Variants in BARX2 observed in about 807,000 individuals in gnomAD.
The protein encoded by BARX2 is BARX homeobox 2, also known as homeobox protein BarH-like 2.
In BARX2, 11 loss-of-function variants were observed where a neutral mutation model predicts 25.5. The ratio of observed to expected loss-of-function variants is 0.43; its 90% CI spans 0.27 to 0.71. The LOEUF is 0.71. Ranked by LOEUF, BARX2 falls within the 30% of genes least tolerant of loss-of-function variation. BARX2 has a pLI of 0.19. For synonymous variants in BARX2, 137 were observed against 149.5 expected, an observed-to-expected ratio of 0.92 and a Z score of 0.61; for missense variants, 360 against 359.9, an observed-to-expected ratio of 1.00 and a Z score of 0.00.
chr11:129,429,030 A>G (rs1435475766), intron 1 of BARX2, among the ~76,000 whole-genome samples: 1 of 146,148 alleles, frequency 6.8e-6, no homozygotes, highest in Non-Finnish European at 1.5e-5. Context: ...TTTCATGAAG[A>G]TTTTTCATTA....
chr11:129,421,937 G>A (rs1862008624), intron 1 of BARX2, among the ~76,000 whole-genome samples: 1 of 151,964 alleles, frequency 6.6e-6, no homozygotes, highest in Non-Finnish European at 1.5e-5. Context: ...ATATCATTCA[G>A]TTTGGATCAC....
chr11:129,442,477 C>T (rs954536224), intron 2 of BARX2, among the ~76,000 whole-genome samples: 3 of 152,132 alleles, frequency 2.0e-5, no homozygotes, highest in Non-Finnish European at 4.4e-5. Flanking sequence ...CCTTTTGTTT[C>T]CAGTCTGGAC....
At chr11:129,384,227 T>C (rs1861596877) in intron 1 of BARX2, among the ~76,000 whole-genome samples, 1 of 149,420 alleles carries the variant, frequency 6.7e-6, no homozygotes, top group Non-Finnish European at 1.5e-5. Flanking sequence ...AGATCATTTC[T>C]GATCTTTTTT....
chr11:129,378,843 TA>T (rs36045160), intron 1 of BARX2, among the ~76,000 whole-genome samples: 18,629 of 140,188 alleles, frequency 0.13, 1,257 homozygotes, highest in African/African-American at 0.2. Flanking sequence ...ACTACAGCAT[TA>T]AAAAAAAAAA....
In BARX2 at chr11:129,390,146, C is replaced by T. The variant is rs1861653055; in HGVS notation, c.187+13924C>T. Among the ~76,000 whole-genome samples, 1 of 152,150 alleles carries T rather than the reference C, an allele frequency of 6.6e-6. No individual in the cohort carries two copies. The highest frequency in any genetic ancestry group is 1.5e-5 in the Non-Finnish European group (1 of 68,042). ...AATTCTCTTGATGAGGAGTTCTCACCTTCTATGGTGCAAAGGCATCGCCAG... is the reference window on the plus strand; with the variant it reads ...AATTCTCTTGATGAGGAGTTCTCACTTTCTATGGTGCAAAGGCATCGCCAG... On this transcript the variant is annotated intron_variant, in intron 1 of 3. Coordinates refer to ENST00000281437, the MANE Select transcript of BARX2 (RefSeq NM_003658.5). The surrounding 1 kb of genome is among the most constrained non-coding windows in gnomAD (Gnocchi z 4.3).
At chr11:129,428,990 T>G (rs1456115823) in intron 1 of BARX2, among the ~76,000 whole-genome samples, 1 of 149,386 alleles carries the variant, frequency 6.7e-6, no homozygotes, top group African/African-American at 2.5e-5. Context: ...AAGTCACTAT[T>G]ATTTATTAGA....
At chr11:129,441,448 T>TA in intron 2 of BARX2, among the ~76,000 whole-genome samples, 1 of 152,232 alleles carries the variant, frequency 6.6e-6, no homozygotes, top group East Asian at 1.9e-4. Context: ...AGTAATTTAT[T>TA]TTTATTTATT....
intron 1 of BARX2, among the ~76,000 whole-genome samples, chr11:129,389,793 G>A (rs1458893122): frequency 6.6e-6 from 1 of 150,998 alleles, no homozygotes. Flanking sequence ...TAACTCCACT[G>A]AGATGTTCTT....
At chr11:129,416,925 A>G (rs1293553655) in intron 1 of BARX2, among the ~76,000 whole-genome samples, 5 of 149,678 alleles carry the variant, frequency 3.3e-5, no homozygotes, top group African/African-American at 1.2e-4. Flanking sequence ...TTTTTGAGAC[A>G]GAGCCTCGCT....
intron 3 of BARX2, among the ~76,000 whole-genome samples, chr11:129,445,255 C>T (rs1862311548): frequency 6.6e-6 from 1 of 152,214 alleles, no homozygotes; most frequent in African/African-American, 2.4e-5. Context: ...AGATCCACCA[C>T]CCACCTTCTT....
chr11:129,444,217 C>T (rs1391086235), intron 3 of BARX2, among the ~76,000 whole-genome samples: 1 of 147,884 alleles, frequency 6.8e-6, no homozygotes, highest in Non-Finnish European at 1.5e-5. Flanking sequence ...TTTCTGCTAA[C>T]AATGAGGAGA....
intron 2 of BARX2, among the ~76,000 whole-genome samples, chr11:129,442,258 G>T (rs910353454): frequency 1.3e-5 from 2 of 152,140 alleles, no homozygotes; most frequent in Admixed American, 6.5e-5. Context: ...GGTATACGCT[G>T]CCCTGGCTAC....
intron 1 of BARX2, among the ~76,000 whole-genome samples, chr11:129,385,723 C>T (rs10894034): frequency 0.46 from 70,656 of 151,960 alleles, 16,676 homozygotes; most frequent in East Asian, 0.57. Flanking sequence ...CTAAGTATTA[C>T]GATGTGAAGA....
In BARX2 at chr11:129,397,677, G is replaced by A. The variant is rs946755616; in HGVS notation, c.187+21455G>A. On this transcript the variant is annotated intron_variant, in intron 1 of 3. Coordinates refer to ENST00000281437, the MANE Select transcript of BARX2 (RefSeq NM_003658.5). ...TGTGAGCGTCAGAGCCCCTGCCCTCGTTCTTGTGGGAGGCACAGATGAGTA... is the reference window on the plus strand; with the variant it reads ...TGTGAGCGTCAGAGCCCCTGCCCTCATTCTTGTGGGAGGCACAGATGAGTA... 3.3e-5 allele frequency among the ~76,000 whole-genome samples: 5 copies of A among 152,300 alleles called. 1 individual carries two copies. The highest frequency in any genetic ancestry group is 2.6e-4 in the Admixed American group (4 of 15,306).
At position 129,376,276 on chromosome 11, in the gene BARX2, A is replaced by G; in HGVS notation, c.187+54A>G. ...GGTTCGGTAGCTTTCACGTCCGTGT[A>G]GGTGGCCTGTGCTTTGCGATCCGAG... On this transcript the variant is annotated intron_variant, in intron 1 of 3. Transcript: ENST00000281437. This position sits in a 1 kb window ranked among gnomAD's most constrained non-coding sequence, Gnocchi z 4.2. The G allele has an allele frequency of 1.3e-6, 2 of 1,505,466 alleles. No homozygotes were observed. The highest frequency in any genetic ancestry group is 1.4e-5 in the African/African-American group (1 of 69,972). The allele number at this position is 1,505,466 out of a possible 1,614,324, so 93.3% of individuals were successfully genotyped here.
chr11:129,420,243 G>A (rs1024975550), intron 1 of BARX2, among the ~76,000 whole-genome samples: 1 of 152,104 alleles, frequency 6.6e-6, no homozygotes, highest in Non-Finnish European at 1.5e-5. Context: ...TGGATTGGCT[G>A]TTAATACATC....
intron 2 of BARX2, among the ~76,000 whole-genome samples, chr11:129,440,195 GTGAGAATTTGTAACGGTGGCAGGTAA>G (rs1238051445): frequency 2.6e-5 from 4 of 152,262 alleles, no homozygotes; most frequent in African/African-American, 9.6e-5. Flanking sequence ...ATGCAGGGAA[GTGAGAATTTGTAACGGTGGCAGGTAA>G]TGAGAGAAAG....
At chr11:129,447,708 G>A (rs997870329) in intron 3 of BARX2, among the ~76,000 whole-genome samples, 11 of 152,122 alleles carry the variant, frequency 7.2e-5, no homozygotes, top group African/African-American at 2.4e-4. Flanking sequence ...AAACAGCCAG[G>A]TGGGGTCCGT....
At chr11:129,413,711 G>C (rs1041713309) in intron 1 of BARX2, among the ~76,000 whole-genome samples, 2 of 152,074 alleles carry the variant, frequency 1.3e-5, no homozygotes, top group African/African-American at 4.8e-5. Context: ...GGTGGGGAAA[G>C]GTGTCATCGG....
Sources: allele counts gnomAD v4.1 joint callset (sites outside exome capture counted in the v4.1 genomes callset), GRCh38; gene constraint gnomAD v4.1.1; non-coding constraint Gnocchi (gnomAD v3.1); transcripts MANE v1.5; gene names NCBI Gene and HGNC (gene_info 2026-07-23, HGNC 2026-07-21).